TBC1D4: variants seen among roughly 807,000 people sequenced by gnomAD.
The protein encoded by TBC1D4 is TBC1 domain family member 4, also known as TBC (Tre-2, BUB2, CDC16) domain-containing protein.
A neutral mutation model predicts 142.5 loss-of-function variants in TBC1D4; 121 were observed. The observed-to-expected ratio is 0.85, with a 90% CI of 0.73 to 0.99. TBC1D4 has a LOEUF of 0.99. TBC1D4 is among the 50% of genes least tolerant of loss of function. The pLI is 0.00. For synonymous variants in TBC1D4, 630 were observed against 628.2 expected (o/e 1.00, Z -0.04); for missense variants, 1,475 against 1,606.6 (o/e 0.92, Z 1.40).
At chr13:75,375,280 GT>G (rs1883434072) in intron 1 of TBC1D4, among the ~76,000 whole-genome samples, 1 of 152,238 alleles carries the variant, frequency 6.6e-6, no homozygotes, top group Non-Finnish European at 1.5e-5. Context: ...CCTTAGAGGT[GT>G]GGTAAATGAG....
intron 19 of TBC1D4, 104 bp downstream of exon 19, chr13:75,291,998 G>C: frequency 1.0e-6 from 1 of 976,468 alleles, no homozygotes; most frequent in Non-Finnish European, 1.5e-6. Context: ...AAATGTATCT[G>C]ATGAAAATAT....
intron 14 of TBC1D4, among the ~76,000 whole-genome samples, 200 bp downstream of exon 14, chr13:75,309,742 A>G (rs1338454904): frequency 6.6e-6 from 1 of 152,196 alleles, no homozygotes; most frequent in Non-Finnish European, 1.5e-5. Context: ...CAAAACCACA[A>G]ATATCTTAAG....
chr13:75,417,026 C>T (rs1885948376), intron 1 of TBC1D4, among the ~76,000 whole-genome samples: 1 of 152,168 alleles, frequency 6.6e-6, no homozygotes, highest in Non-Finnish European at 1.5e-5. Context: ...TTGACATGCC[C>T]AAAAGCACCT....
rs1373938961 is a variant in TBC1D4, at chr13:75,362,374, G to A, written c.732C>T (p.Arg244=). 9 of 1,614,088 alleles carry A rather than the reference G, an allele frequency of 5.6e-6. No individual in the cohort carries two copies. In the African/African-American group the frequency reaches 6.7e-5, roughly 12 times the overall value. ...CCAGGTCCTCTCCTGGGTCCGGACCGCGCTGCTCCCCTTGGATCTTCAGGC... is the reference window on the plus strand; with the variant it reads ...CCAGGTCCTCTCCTGGGTCCGGACCACGCTGCTCCCCTTGGATCTTCAGGC... ...QQRLKIQGEQ[R]GPDPGEDLAD... Residue 244 remains arginine, a synonymous_variant, in exon 2 of 21, where the codon CGC becomes CGT. Coordinates refer to ENST00000377636, the MANE Select transcript of TBC1D4 (RefSeq NM_014832.5). The surrounding 1 kb of genome is among the most constrained non-coding windows in gnomAD (Gnocchi z 4.2).
At chr13:75,354,163 A>T (rs1456548713) in intron 4 of TBC1D4, among the ~76,000 whole-genome samples, 1 of 152,238 alleles carries the variant, frequency 6.6e-6, no homozygotes, top group Non-Finnish European at 1.5e-5. Flanking sequence ...AGGGCATAGT[A>T]TTCCGGTCTA....
chr13:75,335,525 C>T (rs200554656), intron 8 of TBC1D4, among the ~76,000 whole-genome samples: 15 of 145,944 alleles, frequency 1.0e-4, no homozygotes, highest in Admixed American at 6.7e-4. Context: ...GGTTTGGATC[C>T]GCCCAAATCT....
intron 1 of TBC1D4, among the ~76,000 whole-genome samples, chr13:75,458,253 T>G (rs1343445319): frequency 1.3e-5 from 2 of 152,154 alleles, no homozygotes; most frequent in African/African-American, 4.8e-5. Context: ...GGTCTTCCCC[T>G]GGAGTTCGGC....
intron 4 of TBC1D4, among the ~76,000 whole-genome samples, chr13:75,353,958 G>GT (rs1295337307): frequency 6.6e-6 from 1 of 152,150 alleles, no homozygotes; most frequent in Non-Finnish European, 1.5e-5. Flanking sequence ...CTGTACTACT[G>GT]TGAGCCACAG....
At chr13:75,335,872 AG>A (rs1288055142) in intron 8 of TBC1D4, among the ~76,000 whole-genome samples, 1 of 152,188 alleles carries the variant, frequency 6.6e-6, no homozygotes, top group East Asian at 1.9e-4. Flanking sequence ...CAAGTTACCC[AG>A]TTTCAGGTAT....
chr13:75,313,018 A>G (rs981019619), intron 12 of TBC1D4, 120 bp from the exon 13 acceptor site: 4 of 1,106,674 alleles, frequency 3.6e-6, no homozygotes, highest in Non-Finnish European at 5.3e-6. Context: ...AGCCACAGGC[A>G]ACATGGAGCA....
In TBC1D4 at chr13:75,481,855, C is replaced by T. The variant is rs1888905914; in HGVS notation, c.-88G>A. 6 of 1,388,620 alleles carry T rather than the reference C, an allele frequency of 4.3e-6. No homozygotes were observed. The highest frequency in any genetic ancestry group is 5.6e-6 in the Non-Finnish European group (6 of 1,080,108). The allele number at this position is 1,388,620 out of a possible 1,614,324, so 86.0% of individuals were successfully genotyped here. A position where few individuals can be genotyped will look rare whatever the true frequency, so the allele number is the denominator to read the frequency against. ...GCAGAAGGCGCCGCCGAAACTGTGC[C>T]AACTGCCGCACCGGGCTCCCGCGCC... On this transcript the variant is annotated 5_prime_UTR_variant, in exon 1 of 21. Transcript: ENST00000377636.
chr13:75,326,574 G>T (rs747551108), intron 9 of TBC1D4, 151 bp from the exon 10 acceptor site: 3 of 811,814 alleles, frequency 3.7e-6, no homozygotes, highest in Admixed American at 2.0e-5. Flanking sequence ...AATTTATGCC[G>T]TAGGCTAATC....
Position 75,350,467 on chromosome 13 carries a change from TTTC to T in TBC1D4, c.1276-1168_1276-1166del, listed in dbSNP as rs1332159124. On this transcript the variant is annotated intron_variant, in intron 4 of 20. Transcript: ENST00000377636. Reference sequence around the variant, plus strand: ...TATCAGCAACCTTAAGGCTTATGAATTTCTTATCATTCCATTAATAAAAGTAAT... The same window carrying T: ...TATCAGCAACCTTAAGGCTTATGAATTTATCATTCCATTAATAAAAGTAAT... 4.6e-5 allele frequency among the ~76,000 whole-genome samples: 7 copies of T among 152,310 alleles called. No homozygotes were observed. In the East Asian group the frequency reaches 1.3e-3, roughly 29 times the overall value.
intron 1 of TBC1D4, among the ~76,000 whole-genome samples, chr13:75,465,019 A>T (rs1888112205): frequency 6.6e-6 from 1 of 152,168 alleles, no homozygotes; most frequent in South Asian, 2.1e-4. Flanking sequence ...AGTACTTACC[A>T]TATGGTACTG....
chr13:75,359,921 C>T, intron 2 of TBC1D4, 63 bp from the exon 3 acceptor site: 1 of 1,293,542 alleles, frequency 7.7e-7, no homozygotes, highest in Non-Finnish European at 1.1e-6. Flanking sequence ...TACTTTATAA[C>T]CAAATATTAA....
In TBC1D4 at chr13:75,382,698, T is replaced by G. The variant is rs540172513; in HGVS notation, c.499-20091A>C. 3.6e-4 allele frequency among the ~76,000 whole-genome samples: 55 copies of G among 152,326 alleles called. 1 individual carries two copies. The highest frequency in any genetic ancestry group is 1.3e-3 in the Admixed American group (20 of 15,296). The stretch of plus-strand genomic sequence containing the variant: ...AAACTCTATATTTAGATCACATATT[T>G]CCAGTGAAAAGTTAGCTTCTGAATT... On this transcript the variant is annotated intron_variant, in intron 1 of 20. Coordinates refer to ENST00000377636, the MANE Select transcript of TBC1D4 (RefSeq NM_014832.5).
chr13:75,380,159 G>T (rs535709432), intron 1 of TBC1D4, among the ~76,000 whole-genome samples: 1 of 151,122 alleles, frequency 6.6e-6, no homozygotes, highest in South Asian at 2.1e-4. Flanking sequence ...GATTACAGGC[G>T]TGAGCCACCG....
At chr13:75,462,379 G>A (rs1888006878) in intron 1 of TBC1D4, among the ~76,000 whole-genome samples, 2 of 152,028 alleles carry the variant, frequency 1.3e-5, no homozygotes, top group Non-Finnish European at 2.9e-5. Context: ...AAATAGATAA[G>A]CAAAGAGAAG....
chr13:75,473,687 G>C (rs1888510402), intron 1 of TBC1D4, among the ~76,000 whole-genome samples: 1 of 152,166 alleles, frequency 6.6e-6, no homozygotes, highest in South Asian at 2.1e-4. Context: ...TGCAAGAAGT[G>C]AAACTTGGAA....
Sources: allele counts gnomAD v4.1 joint callset (sites outside exome capture counted in the v4.1 genomes callset), GRCh38; gene constraint gnomAD v4.1.1; non-coding constraint Gnocchi (gnomAD v3.1); transcripts MANE v1.5; gene names NCBI Gene and HGNC (gene_info 2026-07-23, HGNC 2026-07-21).